PAX7: variants seen among roughly 807,000 people sequenced by gnomAD.
The protein encoded by PAX7 is paired box 7.
A neutral mutation model predicts 50.7 loss-of-function variants in PAX7; 18 were observed. The observed-to-expected ratio is 0.36, with a 90% CI of 0.25 to 0.53. The LOEUF is 0.53. PAX7 is among the 20% of genes least tolerant of loss of function. PAX7 has a pLI of 0.93. For synonymous variants in PAX7, 310 were observed against 290.4 expected (o/e 1.07, Z -0.69); for missense variants, 644 against 702.9 (o/e 0.92, Z 0.95).
chr1:18,659,175 T>C (rs1315480185), intron 4 of PAX7, among the ~76,000 whole-genome samples: 1 of 152,258 alleles, frequency 6.6e-6, no homozygotes, highest in African/African-American at 2.4e-5. Flanking sequence ...TTTCAGCTCC[T>C]GCACCAGATT....
intron 7 of PAX7, among the ~76,000 whole-genome samples, chr1:18,716,378 T>A (rs1006104783): frequency 7.5e-5 from 11 of 146,288 alleles, no homozygotes; most frequent in African/African-American, 2.5e-4. Flanking sequence ...CCCCCACCCC[T>A]CAGCCCAGCC....
intron 4 of PAX7, among the ~76,000 whole-genome samples, chr1:18,648,296 G>T (rs1382392733): frequency 6.6e-6 from 1 of 151,326 alleles, no homozygotes; most frequent in Non-Finnish European, 1.5e-5. Context: ...TTCTTTGAAG[G>T]CAATGTCACT....
chr1:18,718,267 G>C lies in PAX7; in HGVS notation c.1155+14971G>C, dbSNP rs918845458. ...GGAAAGCAGGGAGTGCGCCATCTCT[G>C]CTCAGAGCGGGGTGCCAGCAGAATC... On this transcript the variant is annotated intron_variant, in intron 7 of 8. Transcript: ENST00000420770. Among the ~76,000 whole-genome samples the C allele has an allele frequency of 2.0e-5, 3 of 152,172 alleles. No individual in the cohort carries two copies. In the East Asian group the frequency reaches 5.8e-4, roughly 29 times the overall value.
At position 18,735,910 on chromosome 1, in the gene PAX7, C is replaced by T. The variant is rs758364564; in HGVS notation, c.1402+32C>T. The T allele has an allele frequency of 1.2e-6, 2 of 1,613,984 alleles. No individual in the cohort carries two copies. The highest frequency in any genetic ancestry group is 1.7e-6 in the Non-Finnish European group (2 of 1,180,012). ...GCCTGGTGCCCTGGGCGTCCCCCGTCCCCATTCCTTCTCCCACCCCCAGGG... is the reference window on the plus strand; with the variant it reads ...GCCTGGTGCCCTGGGCGTCCCCCGTTCCCATTCCTTCTCCCACCCCCAGGG... On this transcript the variant is annotated intron_variant, in intron 8 of 8. Coordinates refer to ENST00000420770, the MANE Select transcript of PAX7 (RefSeq NM_001135254.2). The surrounding 1 kb of genome is among the most constrained non-coding windows in gnomAD (Gnocchi z 4.0).
chr1:18,640,294 C>A (rs942988074), intron 4 of PAX7, among the ~76,000 whole-genome samples: 3 of 152,070 alleles, frequency 2.0e-5, no homozygotes, highest in Non-Finnish European at 4.4e-5. Flanking sequence ...GGTTTTCGGT[C>A]GTTTGCTACA....
intron 4 of PAX7, among the ~76,000 whole-genome samples, chr1:18,679,256 A>G (rs906766477): frequency 2.6e-5 from 4 of 152,164 alleles, no homozygotes; most frequent in Non-Finnish European, 5.9e-5. Context: ...ACGAGGCCCA[A>G]AGCCATTTTC....
At chr1:18,698,913 C>G (rs2089181954) in intron 5 of PAX7, among the ~76,000 whole-genome samples, 1 of 152,218 alleles carries the variant, frequency 6.6e-6, no homozygotes. Context: ...GCGCCCTCCA[C>G]CTGGCTGCAT....
At chr1:18,742,149 T>TTTTC (rs1557563487) in intron 8 of PAX7, among the ~76,000 whole-genome samples, 1 of 15,754 alleles carries the variant, frequency 6.3e-5, no homozygotes. Context: ...ATGAGGCTTC[T>TTTTC]TTTTTTTTTT....
rs2089229220 is a variant in PAX7 at position 18,702,062 on chromosome 1, G to C, written c.953-1032G>C. Reference sequence around the variant, plus strand: ...ATATTGGCCTCATGGGCTGGGCGCAGTGGCTCACAACTGCAATCCCAGCAC... The same window carrying C: ...ATATTGGCCTCATGGGCTGGGCGCACTGGCTCACAACTGCAATCCCAGCAC... On this transcript the variant is annotated intron_variant, in intron 6 of 8. Coordinates refer to ENST00000420770, the MANE Select transcript of PAX7 (RefSeq NM_001135254.2). Among the ~76,000 whole-genome samples, 4 of 152,148 alleles carry C rather than the reference G, an allele frequency of 2.6e-5. No homozygotes were observed. The South Asian group carries it at 8.3e-4, about 32-fold the overall frequency.
intron 4 of PAX7, among the ~76,000 whole-genome samples, chr1:18,674,626 C>G (rs540217144): frequency 1.3e-5 from 2 of 152,216 alleles, no homozygotes; most frequent in African/African-American, 4.8e-5. Flanking sequence ...CGTCTCCACC[C>G]TTCCCATGTG....
chr1:18,638,807 C>A (rs922284074), intron 4 of PAX7, among the ~76,000 whole-genome samples: 16 of 152,184 alleles, frequency 1.1e-4, no homozygotes, highest in Non-Finnish European at 1.6e-4. Context: ...CTGGGCTGGT[C>A]GGCAGGCACC....
chr1:18,708,898 GA>G (rs926851419), intron 7 of PAX7, among the ~76,000 whole-genome samples: 7 of 152,162 alleles, frequency 4.6e-5, no homozygotes, highest in African/African-American at 1.7e-4. Context: ...GACAGGTGGG[GA>G]AGACAGGCAT....
intron 6 of PAX7, among the ~76,000 whole-genome samples, chr1:18,701,117 A>G (rs1209350876): frequency 6.9e-6 from 1 of 145,410 alleles, no homozygotes; most frequent in Non-Finnish European, 1.5e-5. Context: ...GAGATTCTGC[A>G]CTTCTAAAAA....
At chr1:18,712,231 AC>A (rs577528895) in intron 7 of PAX7, among the ~76,000 whole-genome samples, 3 of 152,042 alleles carry the variant, frequency 2.0e-5, no homozygotes, top group Non-Finnish European at 4.4e-5. Context: ...GGGGAGACAG[AC>A]CCGGCCAAGA....
chr1:18,684,833 G>T (rs566472169), intron 4 of PAX7, among the ~76,000 whole-genome samples: 8 of 152,322 alleles, frequency 5.3e-5, no homozygotes, highest in Admixed American at 3.9e-4. Context: ...AGAAGCAGGG[G>T]TGGGAGGGTT....
chr1:18,646,796 G>T (rs917573070), intron 4 of PAX7, among the ~76,000 whole-genome samples: 1 of 151,840 alleles, frequency 6.6e-6, no homozygotes, highest in Admixed American at 6.5e-5. Context: ...CGGGGGAAGC[G>T]CTCCCGGCCT....
intron 8 of PAX7, 179 bp downstream of exon 8, chr1:18,736,057 CAA>C: frequency 1.5e-6 from 2 of 1,292,800 alleles, no homozygotes; most frequent in Non-Finnish European, 2.2e-6. Context: ...CTGAGTTGGG[CAA>C]AACCCAGGAC....
intron 4 of PAX7, among the ~76,000 whole-genome samples, chr1:18,682,125 G>C (rs2088910447): frequency 6.6e-6 from 1 of 152,178 alleles, no homozygotes; most frequent in Non-Finnish European, 1.5e-5. Flanking sequence ...AACAAGGTGA[G>C]AGTCCAACTC....
chr1:18,707,762 C>T (rs2089302407), intron 7 of PAX7, among the ~76,000 whole-genome samples: 1 of 152,120 alleles, frequency 6.6e-6, no homozygotes, highest in African/African-American at 2.4e-5. Context: ...TGTCTTCCTG[C>T]CTCTCAGAAA....
Sources: gnomAD v4.1 joint callset for allele counts (sites outside exome capture counted in the v4.1 genomes callset) on GRCh38, gnomAD v4.1.1 for gene constraint, Gnocchi (gnomAD v3.1) non-coding constraint, MANE v1.5 for transcripts, NCBI Gene and HGNC (gene_info 2026-07-23, HGNC 2026-07-21) for gene names.